The following SH3GL2 variants were observed in gnomAD, a reference collection of about 807,000 sequenced individuals.
SH3GL2 encodes endophilin-A1.
SH3GL2 carries 24 observed loss-of-function variants against 46.0 expected under a neutral mutation model. The ratio of observed to expected loss-of-function variants is 0.52; its 90% CI spans 0.38 to 0.73. The LOEUF (loss-of-function observed/expected upper bound fraction) is 0.73, where lower values mean the gene tolerates loss of function less well. Ranked by LOEUF, SH3GL2 falls within the 30% of genes least tolerant of loss-of-function variation. The pLI is 0.00. For synonymous variants in SH3GL2, 196 were observed against 147.1 expected, an observed-to-expected ratio of 1.33 and a Z score of -2.40; for missense variants, 413 against 424.2, an observed-to-expected ratio of 0.97 and a Z score of 0.23.
intron 1 of SH3GL2, among the ~76,000 whole-genome samples, chr9:17,741,070 T>G (rs1055888766): frequency 6.6e-6 from 1 of 152,182 alleles, no homozygotes. Context: ...ATAAATTATT[T>G]TATGGATTGC....
intron 1 of SH3GL2, among the ~76,000 whole-genome samples, chr9:17,638,156 C>CA (rs10623700): frequency 0.051 from 7,351 of 145,542 alleles, 247 homozygotes; most frequent in African/African-American, 0.092. Context: ...GACTCCCTCT[C>CA]AAAAAAAAAA....
At chr9:17,664,496 C>G (rs938476085) in intron 1 of SH3GL2, among the ~76,000 whole-genome samples, 1 of 152,062 alleles carries the variant, frequency 6.6e-6, no homozygotes, top group Non-Finnish European at 1.5e-5. Context: ...TGATCTTGAG[C>G]TCACATGGTT....
chr9:17,793,599 A>G, intron 8 of SH3GL2, 102 bp downstream of exon 8: 5 of 1,086,838 alleles, frequency 4.6e-6, no homozygotes, highest in Non-Finnish European at 6.8e-6. Flanking sequence ...CATAGGAAAT[A>G]TGCAGTAATA....
At chr9:17,714,397 T>G (rs1299289992) in intron 1 of SH3GL2, among the ~76,000 whole-genome samples, 1 of 151,812 alleles carries the variant, frequency 6.6e-6, no homozygotes, top group Non-Finnish European at 1.5e-5. Flanking sequence ...CCAGTCATCT[T>G]GTTATTTGCT....
At chr9:17,585,124 C>T (rs1226112839) in intron 1 of SH3GL2, among the ~76,000 whole-genome samples, 1 of 152,096 alleles carries the variant, frequency 6.6e-6, no homozygotes, top group East Asian at 1.9e-4. Flanking sequence ...TTCTGCCAAG[C>T]CTCTTGTGCT....
chr9:17,653,104 A>G (rs76550130), intron 1 of SH3GL2, among the ~76,000 whole-genome samples: 1,955 of 152,264 alleles, frequency 0.013, 62 homozygotes, highest in African/African-American at 0.044. Context: ...ATCCAATCTG[A>G]AAAGTCTTTC....
At chr9:17,602,186 G>A (rs952977809) in intron 1 of SH3GL2, among the ~76,000 whole-genome samples, 23 of 152,260 alleles carry the variant, frequency 1.5e-4, no homozygotes, top group Admixed American at 6.5e-4. Flanking sequence ...CAGGATGCTC[G>A]TGGCATTTCA....
intron 6 of SH3GL2, chr9:17,790,235 AG>A (rs1824084757): frequency 6.4e-6 from 1 of 156,634 alleles, no homozygotes; most frequent in Non-Finnish European, 1.4e-5. Context: ...CCACCCCCAT[AG>A]GGAAGGGCAG....
At chr9:17,686,531 A>G (rs1355793464) in intron 1 of SH3GL2, among the ~76,000 whole-genome samples, 2 of 147,870 alleles carry the variant, frequency 1.4e-5, no homozygotes, top group African/African-American at 4.9e-5. Context: ...AAAGACTTGG[A>G]ACCAACCCAA....
intron 1 of SH3GL2, among the ~76,000 whole-genome samples, chr9:17,657,486 G>A (rs1301057578): frequency 6.6e-6 from 1 of 152,146 alleles, no homozygotes; most frequent in African/African-American, 2.4e-5. Flanking sequence ...ACGGATTTTG[G>A]TGTTATTCTA....
chr9:17,751,236 A>G (rs985603211), intron 2 of SH3GL2, among the ~76,000 whole-genome samples: 2 of 152,304 alleles, frequency 1.3e-5, no homozygotes, highest in Admixed American at 6.5e-5. Context: ...GCCATTTCAT[A>G]TGAGAGTAAG....
chr9:17,684,972 A>T (rs940680809), intron 1 of SH3GL2, among the ~76,000 whole-genome samples: 1 of 152,150 alleles, frequency 6.6e-6, no homozygotes, highest in Non-Finnish European at 1.5e-5. Flanking sequence ...GCGATAAATA[A>T]GCAGTGTGTC....
intron 1 of SH3GL2, among the ~76,000 whole-genome samples, chr9:17,691,868 A>C (rs1482533305): frequency 6.6e-6 from 1 of 152,172 alleles, no homozygotes; most frequent in Non-Finnish European, 1.5e-5. Context: ...AGTACTATAT[A>C]TTCCACATAA....
intron 7 of SH3GL2, among the ~76,000 whole-genome samples, chr9:17,792,509 G>A (rs372857546): frequency 6.6e-6 from 1 of 152,072 alleles, no homozygotes; most frequent in African/African-American, 2.4e-5. Flanking sequence ...AAATATTTAG[G>A]GGTATGTAGA....
chr9:17,749,378 C>T (rs1354588248), intron 2 of SH3GL2, among the ~76,000 whole-genome samples: 1 of 152,174 alleles, frequency 6.6e-6, no homozygotes, highest in East Asian at 1.9e-4. Context: ...ATTTGAACAG[C>T]CCATGGGTTA....
chr9:17,646,306 A>C (rs1819815747), intron 1 of SH3GL2, among the ~76,000 whole-genome samples: 1 of 151,912 alleles, frequency 6.6e-6, no homozygotes, highest in South Asian at 2.1e-4. Context: ...GCTTCCTTGC[A>C]TTGGGTTAGG....
At position 17,644,326 on chromosome 9, in the gene SH3GL2, C is replaced by T. The variant is rs1335814555; in HGVS notation, c.45+65039C>T. 2.6e-5 allele frequency among the ~76,000 whole-genome samples: 4 copies of T among 151,344 alleles called. No individual in the cohort carries two copies. In the East Asian group the frequency reaches 7.8e-4, roughly 29 times the overall value. On this transcript the variant is annotated intron_variant, in intron 1 of 8. Transcript: ENST00000380607. ...GATTTTTCGAAGGGTTTTTTATCTT[C>T]TTCAGTTCTGCTCTGATCTTAGTTA...
intron 1 of SH3GL2, among the ~76,000 whole-genome samples, chr9:17,666,719 A>G (rs149907054): frequency 4.6e-5 from 7 of 152,184 alleles, no homozygotes; most frequent in Admixed American, 3.9e-4. Context: ...GTAGTGGATA[A>G]CCTAGTGTAT....
At chr9:17,701,204 A>G (rs1016816675) in intron 1 of SH3GL2, among the ~76,000 whole-genome samples, 1 of 152,194 alleles carries the variant, frequency 6.6e-6, no homozygotes, top group African/African-American at 2.4e-5. Context: ...AGTACGCAGA[A>G]CCTTCCCAGA....
Sources: gnomAD v4.1 joint callset for allele counts (sites outside exome capture counted in the v4.1 genomes callset) on GRCh38, gnomAD v4.1.1 for gene constraint, MANE v1.5 for transcripts, NCBI Gene and HGNC (gene_info 2026-07-23, HGNC 2026-07-21) for gene names.